CPED1: variants seen among roughly 807,000 people sequenced by gnomAD.
The protein encoded by CPED1 is cadherin-like and PC-esterase domain-containing protein 1.
In CPED1, 114 loss-of-function variants were observed where a neutral mutation model predicts 128.2. That is an observed-to-expected ratio of 0.89 (90% CI 0.76 to 1.04). CPED1 has a LOEUF of 1.04. Ranked by LOEUF, CPED1 falls within the 50% of genes least tolerant of loss-of-function variation. The pLI is 0.00. For synonymous variants in CPED1, 462 were observed against 426.7 expected (o/e 1.08, Z -1.02); for missense variants, 1,211 against 1,207.1 (o/e 1.00, Z -0.05).
rs11318194 is a variant in CPED1, at chr7:121,072,185, C to CAAA, written c.616+7885_616+7887dup. Among the ~76,000 whole-genome samples, 12 of 139,330 alleles carry CAAA rather than the reference C, an allele frequency of 8.6e-5. 1 individual carries two copies. The highest frequency in any genetic ancestry group is 7.7e-5 in the Non-Finnish European group (5 of 64,750). 91.4% of individuals were successfully genotyped at this position (139,330 alleles called of 152,430 possible). A position where few individuals can be genotyped will look rare whatever the true frequency, so the allele number is the denominator to read the frequency against. On this transcript the variant is annotated intron_variant, in intron 5 of 22. Coordinates refer to ENST00000310396, the MANE Select transcript of CPED1 (RefSeq NM_024913.5). ...ACATTCTGATTTCTCTTTTCCTATA[C>CAAA]AAAAAAAAAAAAAAACATGGGAGTA... is the stretch of plus-strand genomic sequence containing the variant.
chr7:121,159,459 G>A (rs1180902555), intron 16 of CPED1, among the ~76,000 whole-genome samples: 1 of 152,036 alleles, frequency 6.6e-6, no homozygotes, highest in African/African-American at 2.4e-5. Context: ...AGAAATACAT[G>A]GATTTGTTAT....
chr7:121,261,897 A>G (rs1792026557), intron 18 of CPED1: 3 of 610,354 alleles, frequency 4.9e-6, no homozygotes, highest in Non-Finnish European at 8.5e-6. Context: ...AAAGATAATT[A>G]AACCATTTTA....
chr7:121,186,446 T>A (rs1195815759), intron 16 of CPED1, among the ~76,000 whole-genome samples: 1 of 152,114 alleles, frequency 6.6e-6, no homozygotes, highest in African/African-American at 2.4e-5. Flanking sequence ...TATGCATCTA[T>A]GAAAAAGCTG....
intron 2 of CPED1, among the ~76,000 whole-genome samples, chr7:120,994,745 A>G (rs180889135): frequency 2.6e-5 from 4 of 152,118 alleles, no homozygotes; most frequent in East Asian, 3.9e-4. Flanking sequence ...AAATGTGCAC[A>G]TGATAAGGAG....
intron 9 of CPED1, 128 bp downstream of exon 9, chr7:121,126,020 C>CTTA (rs1795496400): frequency 1.5e-6 from 1 of 658,352 alleles, no homozygotes; most frequent in East Asian, 2.7e-5. Context: ...GTACTGTAGG[C>CTTA]TTATATTCAC....
At chr7:121,121,697 A>C (rs1436327809) in intron 7 of CPED1, among the ~76,000 whole-genome samples, 1 of 152,234 alleles carries the variant, frequency 6.6e-6, no homozygotes, top group Non-Finnish European at 1.5e-5. Context: ...GTTTTAAATT[A>C]GGAGGAAAGG....
intron 3 of CPED1, among the ~76,000 whole-genome samples, chr7:121,044,650 C>CTTTTTTTTTTTTTTTTTTTTTTTTTT (rs58884492): frequency 9.4e-6 from 1 of 106,038 alleles, no homozygotes; most frequent in African/African-American, 3.4e-5. Flanking sequence ...ACTTTCTGCT[C>CTTTTTTTTTTTTTTTTTTTTTTTTTT]TTTTTTTTTT....
At chr7:121,049,694 C>T (rs565648504) in intron 4 of CPED1, among the ~76,000 whole-genome samples, 1 of 152,336 alleles carries the variant, frequency 6.6e-6, no homozygotes, top group South Asian at 2.1e-4. Context: ...TGATATGAAA[C>T]TGCTTACTGT....
chr7:121,198,370 A>G (rs143734808), intron 16 of CPED1, among the ~76,000 whole-genome samples: 1 of 152,160 alleles, frequency 6.6e-6, no homozygotes, highest in Non-Finnish European at 1.5e-5. Context: ...TACATTCGGT[A>G]TGGTTTCTTG....
intron 22 of CPED1, among the ~76,000 whole-genome samples, chr7:121,274,795 A>T (rs985841598): frequency 3.3e-5 from 5 of 152,174 alleles, no homozygotes; most frequent in African/African-American, 1.2e-4. Flanking sequence ...ATGTTAGCTT[A>T]TTACAAACAA....
intron 5 of CPED1, among the ~76,000 whole-genome samples, chr7:121,092,185 G>T (rs1386682972): frequency 3.9e-5 from 6 of 152,106 alleles, no homozygotes; most frequent in African/African-American, 1.4e-4. Flanking sequence ...TGCCATTGTT[G>T]CAACCCACTC....
intron 5 of CPED1, among the ~76,000 whole-genome samples, chr7:121,087,989 T>A (rs1779538316): frequency 6.6e-6 from 1 of 152,150 alleles, no homozygotes; most frequent in Non-Finnish European, 1.5e-5. Flanking sequence ...AAGCTAGGAC[T>A]ATACTTCCCT....
intron 3 of CPED1, among the ~76,000 whole-genome samples, chr7:121,022,758 AAGG>A (rs924722156): frequency 1.3e-5 from 2 of 152,238 alleles, no homozygotes; most frequent in East Asian, 1.9e-4. Context: ...ACAAAGCAAG[AAGG>A]AGGACAGTCA....
intron 17 of CPED1, among the ~76,000 whole-genome samples, chr7:121,242,634 GTAATCCTCA>G (rs1475956477): frequency 1.3e-5 from 2 of 152,072 alleles, no homozygotes; most frequent in Non-Finnish European, 2.9e-5. Context: ...GCAGTTTTCT[GTAATCCTCA>G]TTACATGTAA....
chr7:121,147,710 T>A (rs973772120), intron 16 of CPED1, among the ~76,000 whole-genome samples: 2 of 152,118 alleles, frequency 1.3e-5, no homozygotes, highest in African/African-American at 4.8e-5. Context: ...AGGAAGGTTA[T>A]ATATAGGAGA....
chr7:121,078,824 C>T (rs1376353521), intron 5 of CPED1, among the ~76,000 whole-genome samples: 7 of 152,164 alleles, frequency 4.6e-5, no homozygotes, highest in Middle Eastern at 3.2e-3. Flanking sequence ...TATTAGTTTG[C>T]TAGGGCTGCC....
intron 3 of CPED1, among the ~76,000 whole-genome samples, chr7:121,028,798 G>A (rs1792660525): frequency 6.6e-6 from 1 of 152,082 alleles, no homozygotes; most frequent in Non-Finnish European, 1.5e-5. Flanking sequence ...TGACCTTTAA[G>A]GTCCATTCCA....
chr7:121,154,891 C>T (rs576183308), intron 16 of CPED1, among the ~76,000 whole-genome samples: 19 of 152,298 alleles, frequency 1.2e-4, no homozygotes, highest in South Asian at 6.2e-4. Flanking sequence ...TGAAATAATA[C>T]GGTTTTCATT....
At chr7:121,261,677 C>T in intron 18 of CPED1, 1 of 1,610,828 alleles carries the variant, frequency 6.2e-7, no homozygotes, top group Non-Finnish European at 8.5e-7. Context: ...TAATTGAAGA[C>T]ACAATCCAGT....
Sources: gnomAD v4.1 joint callset for allele counts (sites outside exome capture counted in the v4.1 genomes callset) on GRCh38, gnomAD v4.1.1 for gene constraint, MANE v1.5 for transcripts, NCBI Gene and HGNC (gene_info 2026-07-23, HGNC 2026-07-21) for gene names.